Variants in CYP2J2 observed in about 807,000 individuals in gnomAD.
CYP2J2 encodes the protein cytochrome P450 family 2 subfamily J member 2, also known as cytochrome P450 2J2.
CYP2J2 carries 41 observed loss-of-function variants against 48.8 expected under a neutral mutation model. The observed-to-expected ratio is 0.84, with a 90% CI of 0.66 to 1.09. CYP2J2 has a LOEUF of 1.09. Ranked by LOEUF, CYP2J2 falls within the 50% of genes least tolerant of loss-of-function variation. The probability of loss-of-function intolerance (pLI) is 0.00; values close to 1 mark genes in which losing one functional copy is unlikely to be tolerated. For missense variants in CYP2J2, 644 were observed against 617.3 expected, an observed-to-expected ratio of 1.04 and a Z score of -0.46; for synonymous variants, 221 against 227.1, an observed-to-expected ratio of 0.97 and a Z score of 0.24.
chr1:59,942,713 A>C, the CYP2J2 span, among the ~76,000 whole-genome samples: 1 of 152,146 alleles, frequency 6.6e-6, no homozygotes, highest in Non-Finnish European at 1.5e-5. Flanking sequence ...GCATTGGCTT[A>C]GATTAGCAGT....
chr1:59,911,022 A>G (rs916577720), intron 4 of CYP2J2, among the ~76,000 whole-genome samples: 1 of 152,232 alleles, frequency 6.6e-6, no homozygotes, highest in Non-Finnish European at 1.5e-5. Context: ...CCAGATACAG[A>G]TATAAAAAAT....
chr1:59,894,432 A>C (rs1644251639), intron 8 of CYP2J2, among the ~76,000 whole-genome samples: 1 of 152,052 alleles, frequency 6.6e-6, no homozygotes. Context: ...TTTCTTCTGA[A>C]GTGTGGCCCA....
intron 7 of CYP2J2, chr1:59,904,563 C>T (rs1412948246): frequency 3.8e-6 from 1 of 262,576 alleles, no homozygotes; most frequent in East Asian, 9.9e-5. Context: ...TGACCTAGAA[C>T]TGCTGCCTGC....
the CYP2J2 span, among the ~76,000 whole-genome samples, chr1:59,966,847 A>G: frequency 2.6e-5 from 4 of 152,234 alleles, no homozygotes; most frequent in African/African-American, 9.6e-5. Context: ...ATATCACTAA[A>G]CCGAACACAT....
chr1:59,951,456 A>C, the CYP2J2 span, among the ~76,000 whole-genome samples: 3 of 152,186 alleles, frequency 2.0e-5, no homozygotes, highest in Non-Finnish European at 2.9e-5. Flanking sequence ...AAATCAGATA[A>C]CTGAAGCAGA....
the CYP2J2 span, among the ~76,000 whole-genome samples, chr1:59,954,104 C>T: frequency 6.6e-6 from 1 of 152,300 alleles, no homozygotes; most frequent in South Asian, 2.1e-4. Flanking sequence ...TCACTTTCTA[C>T]TTCCCCCATC....
chr1:59,919,989 AGACT>A (rs766671773), intron 1 of CYP2J2, among the ~76,000 whole-genome samples: 16 of 152,086 alleles, frequency 1.1e-4, no homozygotes, highest in South Asian at 6.2e-4. Context: ...CTCTTGGGAG[AGACT>A]GACTGTGCAG....
chr1:59,909,244 C>T (rs1423795104), intron 5 of CYP2J2, among the ~76,000 whole-genome samples: 1 of 152,096 alleles, frequency 6.6e-6, no homozygotes, highest in African/African-American at 2.4e-5. Flanking sequence ...GAGTAATGAC[C>T]CGCAAAGATA....
chr1:59,918,829 T>G (rs1644488517), intron 1 of CYP2J2, among the ~76,000 whole-genome samples: 1 of 151,964 alleles, frequency 6.6e-6, no homozygotes. Context: ...AGACAGGAAA[T>G]GTAATGCTAG....
intron 1 of CYP2J2, 98 bp downstream of exon 1, chr1:59,926,439 C>T: frequency 1.0e-6 from 1 of 1,000,544 alleles, no homozygotes; most frequent in Non-Finnish European, 1.6e-6. Context: ...CCTCTTCCTG[C>T]CCTTCATCCC....
At chr1:59,903,081 G>A (rs1410884832) in intron 7 of CYP2J2, among the ~76,000 whole-genome samples, 4 of 152,170 alleles carry the variant, frequency 2.6e-5, no homozygotes, top group Admixed American at 2.0e-4. Context: ...CAGCACCTGG[G>A]GAATTTAGAC....
At chr1:59,926,823 G>T, upstream of CYP2J2, 1 of 1,359,722 alleles carries the variant, frequency 7.4e-7, no homozygotes, top group Non-Finnish European at 1.0e-6. Context: ...GCCCCGCCTC[G>T]CTCCCAGCCG....
the CYP2J2 span, among the ~76,000 whole-genome samples, chr1:59,963,318 C>T: frequency 6.6e-6 from 1 of 152,194 alleles, no homozygotes; most frequent in African/African-American, 2.4e-5. Flanking sequence ...ATCACCCCAA[C>T]AGAAACTCTG....
At chr1:59,926,500 G>A (rs1165259146) in intron 1 of CYP2J2, 37 bp downstream of exon 1, 7 of 1,560,050 alleles carry the variant, frequency 4.5e-6, no homozygotes, top group Non-Finnish European at 5.3e-6. Context: ...AACAGAGTTA[G>A]GGTCAGGACA....
chr1:59,957,859 C>T, the CYP2J2 span, among the ~76,000 whole-genome samples: 1 of 152,072 alleles, frequency 6.6e-6, no homozygotes, highest in Admixed American at 6.6e-5. Flanking sequence ...CTCTAAGAGA[C>T]ACCATAGGAT....
At chr1:59,946,338 C>T in the CYP2J2 span, among the ~76,000 whole-genome samples, 5 of 152,174 alleles carry the variant, frequency 3.3e-5, no homozygotes, top group Middle Eastern at 3.2e-3. Flanking sequence ...GTCCTTTTTC[C>T]TAATCTCTTT....
intron 8 of CYP2J2, among the ~76,000 whole-genome samples, chr1:59,895,552 T>G (rs1320144162): frequency 6.6e-6 from 1 of 152,230 alleles, no homozygotes. Context: ...TAATAAGTAC[T>G]TTGAGACTAT....
intron 7 of CYP2J2, among the ~76,000 whole-genome samples, chr1:59,901,357 G>C (rs1047575295): frequency 6.6e-6 from 1 of 152,126 alleles, no homozygotes; most frequent in Admixed American, 6.5e-5. Context: ...CTGCAGGATC[G>C]AGCTTCCTTA....
chr1:59,963,948 G>A, the CYP2J2 span, among the ~76,000 whole-genome samples: 2 of 151,816 alleles, frequency 1.3e-5, no homozygotes, highest in Admixed American at 1.3e-4. Flanking sequence ...ATTTATAATA[G>A]GAATTTATAA....
Sources: gnomAD v4.1 joint callset for allele counts (sites outside exome capture counted in the v4.1 genomes callset) on GRCh38, gnomAD v4.1.1 for gene constraint, MANE v1.5 for transcripts, NCBI Gene and HGNC (gene_info 2026-07-23, HGNC 2026-07-21) for gene names.